The following HERC1 variants were observed in gnomAD, a reference collection of about 807,000 sequenced individuals.
The protein encoded by HERC1 is probable E3 ubiquitin-protein ligase HERC1.
HERC1 carries 160 observed loss-of-function variants against 554.3 expected under a neutral mutation model. That is an observed-to-expected ratio of 0.29 (90% CI 0.25 to 0.33). The LOEUF (loss-of-function observed/expected upper bound fraction) is 0.33, where lower values mean the gene tolerates loss of function less well. HERC1 is among the 10% of genes least tolerant of loss of function. The pLI, the probability that HERC1 is intolerant of heterozygous loss-of-function variation, is 1.00. For missense variants in HERC1, 4,919 were observed against 5,918.5 expected (o/e 0.83, Z 5.54); for synonymous variants, 2,175 against 2,131.7 (o/e 1.02, Z -0.56).
At position 63,698,969 on chromosome 15, in the gene HERC1, A is replaced by T; in HGVS notation, c.4664T>A (p.Leu1555Gln). The stretch of plus-strand genomic sequence containing the variant: ...TTTCAGGCGAGCCCAAGAGTCACTC[A>T]GGGATTCCAATTGACTGTGCATAGG... The part of the protein sequence containing the change: ...RGPMHSQLES[L>Q]SDSWARLKHS... Residue 1555 changes from leucine to glutamine, a missense_variant, in exon 26 of 78, where the codon CTG becomes CAG. Leu to Gln is a moderately radical substitution (Grantham distance 113). Transcript: ENST00000443617. 1.2e-6 allele frequency: 2 copies of T among 1,613,336 alleles called. No homozygotes were observed. Among genetic ancestry groups the T allele is most frequent in the Non-Finnish European group, 1.7e-6 (2 of 1,179,298 alleles).
intron 22 of HERC1, among the ~76,000 whole-genome samples, chr15:63,715,848 A>T (rs1006529364): frequency 2.6e-5 from 4 of 152,204 alleles, no homozygotes; most frequent in African/African-American, 9.6e-5. Context: ...CCCTATCGAA[A>T]CAGCAGTGTA....
At position 63,628,813 on chromosome 15, in the gene HERC1, G is replaced by T; in HGVS notation, c.12969C>A (p.Leu4323=). The T allele has an allele frequency of 6.2e-7, 1 of 1,611,708 alleles. No homozygotes were observed. The highest frequency in any genetic ancestry group is 8.5e-7 in the Non-Finnish European group (1 of 1,179,064). Residue 4323 remains leucine (L), a splice_region_variant and synonymous_variant, in exon 70 of 78, where the codon CTC becomes CTA. Coordinates refer to ENST00000443617, the MANE Select transcript of HERC1 (RefSeq NM_003922.4). ...YAWGSNSEGQ[L]GLGHTNHVRE... ...GAACATGGTTGGTATGGCCTAAGCC[G>T]AGCTGGGAATAAATCACAAATATAC...
Position 63,749,983 on chromosome 15 carries a change from G to A in HERC1, c.1903-192C>T, listed in dbSNP as rs2075180985. 6.6e-6 allele frequency among the ~76,000 whole-genome samples: 1 copy of A among 152,126 alleles called. No homozygotes were observed. The highest frequency in any genetic ancestry group is 6.5e-5 in the Admixed American group (1 of 15,270). On this transcript the variant is annotated intron_variant, in intron 8 of 77. Coordinates refer to ENST00000443617, the MANE Select transcript of HERC1 (RefSeq NM_003922.4). The surrounding 1 kb of genome is among the most constrained non-coding windows in gnomAD (Gnocchi z 4.1). ...CTGCCTTTAGGCATTCACTGTATAG[G>A]CAGAAAAACAGCTGATCTGAAAATA...
At chr15:63,741,235 G>C (rs915222906) in intron 12 of HERC1, among the ~76,000 whole-genome samples, 1 of 151,652 alleles carries the variant, frequency 6.6e-6, no homozygotes, top group African/African-American at 2.4e-5. Flanking sequence ...CACCATGTTG[G>C]TCAGGCTGGT....
chr15:63,714,683 G>C (rs2073465820), intron 22 of HERC1, among the ~76,000 whole-genome samples: 2 of 151,348 alleles, frequency 1.3e-5, no homozygotes, highest in Non-Finnish European at 2.9e-5. Context: ...TGAGTAGCTG[G>C]TATTACAGAT....
At position 63,694,416 on chromosome 15, in the gene HERC1, T is replaced by C. The variant is rs756513435; in HGVS notation, c.5376A>G (p.Leu1792=). 217 of 1,613,856 alleles carry C rather than the reference T, an allele frequency of 1.3e-4. No individual in the cohort carries two copies. Among genetic ancestry groups the C allele is most frequent in the Non-Finnish European group, 1.8e-4 (214 of 1,179,882 alleles). The change falls in exon 29 of 78, where the codon CTA becomes CTG. Residue 1792 remains leucine (L), a synonymous_variant. Coordinates refer to ENST00000443617, the MANE Select transcript of HERC1 (RefSeq NM_003922.4). This position sits in a 1 kb window ranked among gnomAD's most constrained non-coding sequence, Gnocchi z 4.3. The part of the protein sequence containing the change: ...LSQLCGTDTM[L]GQPLQLLPKT... The stretch of plus-strand genomic sequence containing the variant: ...TTGGCAACAACTGCAGGGGCTGTCC[T>C]AGCATGGTGTCTGTACCACACAACT...
At chr15:63,773,839 C>A (rs1446177193) in intron 2 of HERC1, among the ~76,000 whole-genome samples, 1 of 152,100 alleles carries the variant, frequency 6.6e-6, no homozygotes, top group African/African-American at 2.4e-5. Flanking sequence ...GACACCGCAC[C>A]CAGCCTAAAT....
intron 1 of HERC1, among the ~76,000 whole-genome samples, chr15:63,815,291 A>G (rs1238706424): frequency 3.3e-5 from 5 of 152,240 alleles, no homozygotes; most frequent in Admixed American, 2.0e-4. Context: ...AATATAGAGT[A>G]GTGACTATAC....
intron 1 of HERC1, among the ~76,000 whole-genome samples, chr15:63,831,308 T>C (rs767959234): frequency 1.1e-4 from 16 of 152,306 alleles, no homozygotes; most frequent in Non-Finnish European, 2.2e-4. Context: ...GGTTTCACCA[T>C]GTTGCCCAGA....
In HERC1 at chr15:63,612,222, T is replaced by C. The variant is rs1164148792; in HGVS notation, c.14400+29A>G. The C allele has an allele frequency of 2.6e-6, 4 of 1,551,136 alleles. No homozygotes were observed. The Admixed American group carries it at 5.5e-5, about 21-fold the overall frequency. On this transcript the variant is annotated intron_variant, in intron 77 of 77. Coordinates refer to ENST00000443617, the MANE Select transcript of HERC1 (RefSeq NM_003922.4). This position sits in a 1 kb window ranked among gnomAD's most constrained non-coding sequence, Gnocchi z 5.0. ...AACAATGAAGCAATAAGGCAGACAT[T>C]ACAAAGGAAAAAAGAATAGCTTACT...
chr15:63,648,425 T>C (rs904428262), intron 54 of HERC1, among the ~76,000 whole-genome samples: 2 of 152,252 alleles, frequency 1.3e-5, no homozygotes, highest in African/African-American at 2.4e-5. Flanking sequence ...TACTTTATAA[T>C]CTTTCATTCT....
At chr15:63,757,928 G>A (rs901385635) in intron 4 of HERC1, among the ~76,000 whole-genome samples, 36 of 151,686 alleles carry the variant, frequency 2.4e-4, no homozygotes, top group Admixed American at 3.3e-4. Flanking sequence ...CAGGCTGGTC[G>A]CGAACTCCTG....
intron 3 of HERC1, among the ~76,000 whole-genome samples, chr15:63,762,814 T>A (rs1379535547): frequency 6.6e-6 from 1 of 152,140 alleles, no homozygotes; most frequent in East Asian, 1.9e-4. Flanking sequence ...TGCAACTAAT[T>A]GTTGGGAAAA....
intron 12 of HERC1, 22 bp downstream of exon 12, chr15:63,746,896 T>A: frequency 6.5e-7 from 1 of 1,547,064 alleles, no homozygotes; most frequent in African/African-American, 1.4e-5. Context: ...GAGATACAGA[T>A]TCACAAGTCC....
At chr15:63,829,594 TAA>T (rs1567172276) in intron 1 of HERC1, among the ~76,000 whole-genome samples, 4 of 131,476 alleles carry the variant, frequency 3.0e-5, no homozygotes, top group African/African-American at 1.2e-4. Context: ...TATATATATA[TAA>T]TATACTGATA....
Position 63,727,496 on chromosome 15 carries a change from A to C in HERC1, c.3346+151T>G, listed in dbSNP as rs2074088365. The C allele has an allele frequency of 8.8e-6, 5 of 568,476 alleles. No individual in the cohort carries two copies. In the African/African-American group the frequency reaches 9.3e-5, roughly 11 times the overall value. The allele number at this position is 568,476 out of a possible 1,614,324, so 35.2% of individuals were successfully genotyped here. On this transcript the variant is annotated intron_variant, in intron 17 of 77. Transcript: ENST00000443617. The surrounding 1 kb of genome is among the most constrained non-coding windows in gnomAD (Gnocchi z 4.3). Reference sequence around the variant, plus strand: ...TCTTTCCAATAAAATAAGAGGACTTACTTAAATTTGAAAAGCTTTTAAGAT... The same window carrying C: ...TCTTTCCAATAAAATAAGAGGACTTCCTTAAATTTGAAAAGCTTTTAAGAT...
In HERC1 at chr15:63,665,952, T is replaced by A. The variant is rs2070611417; in HGVS notation, c.8522A>T (p.Asp2841Val). The change falls in exon 42 of 78, where the codon GAT (aspartate) becomes GTT (valine). Residue 2841 changes from aspartate to valine, a missense_variant. Coordinates refer to ENST00000443617, the MANE Select transcript of HERC1 (RefSeq NM_003922.4). ...LQSPGDIPSA[D>V]AAEMEEGFSE... ...AAAACCTTCCTCCATTTCAGCAGCA[T>A]CAGCTGATGGTATGTCTCCAGGTGA... The A allele has an allele frequency of 6.2e-7, 1 of 1,613,774 alleles. No individual in the cohort carries two copies. The highest frequency in any genetic ancestry group is 1.1e-5 in the South Asian group (1 of 91,064).
rs940018219 is a variant in HERC1, at chr15:63,706,818, T to A, written c.4598A>T (p.Asn1533Ile). Residue 1533 changes from asparagine (N) to isoleucine (I), a missense_variant, in exon 25 of 78, where the codon AAT becomes ATT. This residue lies in a region of HERC1 where 1,121 missense variants were observed against 1,244.0 expected (regional missense o/e 0.90). Coordinates refer to ENST00000443617, the MANE Select transcript of HERC1 (RefSeq NM_003922.4). ...EEGYALSGRR[N>I]VDLDLAASHR... ...AGATGCTGCCAAATCCAAATCAACA[T>A]TTCGTCTGCCACTCTATTAAAAGTA... The A allele has an allele frequency of 1.4e-5, 22 of 1,541,820 alleles. No homozygotes were observed. Among genetic ancestry groups the A allele is most frequent in the Non-Finnish European group, 1.9e-5 (22 of 1,139,362 alleles).
chr15:63,674,899 T>C lies in HERC1; in HGVS notation c.7289A>G (p.Gln2430Arg), dbSNP rs1595944643. ...TAAAGCGGATTCACTCTCAGGTTTC[T>C]GCTCAACATCCCCTTTCTCCTCGGA... The part of the protein sequence containing the change: ...HESEEKGDVE[Q>R]KPESESALDM... The change falls in exon 38 of 78, where the codon CAG becomes CGG. Residue 2430 changes from glutamine to arginine, a missense_variant. This residue lies in a region of HERC1 where 1,963 missense variants were observed against 2,228.6 expected (regional missense o/e 0.88). Coordinates refer to ENST00000443617, the MANE Select transcript of HERC1 (RefSeq NM_003922.4). The C allele has an allele frequency of 1.9e-6, 3 of 1,613,950 alleles. No individual in the cohort carries two copies. Among genetic ancestry groups the C allele is most frequent in the Non-Finnish European group, 2.5e-6 (3 of 1,179,900 alleles).
Sources: gnomAD v4.1 joint callset for allele counts (sites outside exome capture counted in the v4.1 genomes callset) on GRCh38, gnomAD v4.1.1 for gene constraint, gnomAD v4.1.1 regional missense constraint, Gnocchi (gnomAD v3.1) non-coding constraint, MANE v1.5 for transcripts, NCBI Gene and HGNC (gene_info 2026-07-23, HGNC 2026-07-21) for gene names.